Variants in ZDBF2 observed in about 807,000 individuals in gnomAD.
ZDBF2 encodes DBF4-type zinc finger-containing protein 2.
A neutral mutation model predicts 9.4 loss-of-function variants in ZDBF2; 6 were observed. That is an observed-to-expected ratio of 0.64 (90% CI 0.35 to 1.27). ZDBF2 has a LOEUF of 1.27. ZDBF2 is among the 50% of genes most tolerant of loss of function. The pLI is 0.03. For missense variants in ZDBF2, 2,697 were observed against 2,766.8 expected, an observed-to-expected ratio of 0.97 and a Z score of 0.57; for synonymous variants, 905 against 946.3, an observed-to-expected ratio of 0.96 and a Z score of 0.80.
chr2:206,281,249 A>G (rs1350918424), intron 2 of ZDBF2, among the ~76,000 whole-genome samples: 1 of 152,204 alleles, frequency 6.6e-6, no homozygotes, highest in East Asian at 1.9e-4. Context: ...TCAGAAGAAA[A>G]GTGTTTTGTG....
Position 206,307,504 on chromosome 2 carries a change from T to G in ZDBF2, c.2976T>G (p.Ser992Arg), listed in dbSNP as rs1452931167. 6.2e-7 allele frequency: 1 copy of G among 1,613,746 alleles called. No individual in the cohort carries two copies. Among genetic ancestry groups the G allele is most frequent in the Middle Eastern group, 1.6e-4 (1 of 6,062 alleles). ...REKHAEFQGR[S>R]TEFSGSKTSL... is the part of the protein sequence containing the mutation. The stretch of plus-strand genomic sequence containing the variant: ...AGCACGCTGAATTCCAAGGTAGAAG[T>G]ACTGAATTCAGTGGTTCAAAAACAA... Residue 992 changes from serine to arginine, a missense_variant, in exon 5 of 5, where the codon AGT becomes AGG. This residue lies in a region of ZDBF2 where 1,783 missense variants were observed against 1,776.5 expected (regional missense o/e 1.00). Coordinates refer to ENST00000374423, the MANE Select transcript of ZDBF2 (RefSeq NM_020923.3).
intron 3 of ZDBF2, among the ~76,000 whole-genome samples, chr2:206,286,598 T>C (rs918990990): frequency 2.6e-5 from 4 of 151,942 alleles, no homozygotes; most frequent in Admixed American, 6.6e-5. Flanking sequence ...AGTCTTACCA[T>C]GTTGTCCTTG....
rs779742500 is a variant in ZDBF2 at position 206,304,699 on chromosome 2, TC to T, written c.189-12del. The T allele has an allele frequency of 3.2e-6, 5 of 1,582,064 alleles. No individual in the cohort carries two copies. Among genetic ancestry groups the T allele is most frequent in the African/African-American group, 2.7e-5 (2 of 73,416 alleles). ...AGACATTAGAATATGTTTATGAGTT[TC>T]CCCCCTTTCGTTTTAGTTCAACACA... On this transcript the variant is annotated splice_polypyrimidine_tract_variant and intron_variant, in intron 4 of 4. Transcript: ENST00000374423.
chr2:206,285,632 T>A (rs1691560828), intron 3 of ZDBF2, among the ~76,000 whole-genome samples: 1 of 152,248 alleles, frequency 6.6e-6, no homozygotes, highest in South Asian at 2.1e-4. Flanking sequence ...TGTCCTTTGC[T>A]GTGCAAAAGC....
intron 3 of ZDBF2, among the ~76,000 whole-genome samples, chr2:206,286,857 T>G (rs1691630020): frequency 6.6e-6 from 1 of 152,274 alleles, no homozygotes. Flanking sequence ...GCTTCTGTTA[T>G]TTTGTTAATT....
Position 206,313,733 on chromosome 2 carries a change from T to A in ZDBF2, c.*2140T>A, listed in dbSNP as rs1431676008. ...TAATTAAAATTTCAAGTTGTAAAAA[T>A]GTTACCATTTTCACATTGGAAGCCC... is the stretch of plus-strand genomic sequence containing the variant. On this transcript the variant is annotated 3_prime_UTR_variant, in exon 5 of 5. Coordinates refer to ENST00000374423, the MANE Select transcript of ZDBF2 (RefSeq NM_020923.3). 2 of 152,188 alleles carry A rather than the reference T, an allele frequency of 1.3e-5. No individual in the cohort carries two copies. Among genetic ancestry groups the A allele is most frequent in the Admixed American group, 1.3e-4 (2 of 15,282 alleles). The allele number at this position is 152,188 out of a possible 1,614,324, so 9.4% of individuals were successfully genotyped here. A position where few individuals can be genotyped will look rare whatever the true frequency, so the allele number is the denominator to read the frequency against.
intron 3 of ZDBF2, 40 bp from the exon 4 acceptor site, chr2:206,297,206 C>A: frequency 1.2e-6 from 1 of 868,554 alleles, no homozygotes; most frequent in Non-Finnish European, 1.9e-6. Context: ...CTACTGAATA[C>A]TGTCCATTTA....
chr2:206,294,425 A>G (rs1322144467), intron 3 of ZDBF2, among the ~76,000 whole-genome samples: 2 of 152,204 alleles, frequency 1.3e-5, no homozygotes, highest in African/African-American at 2.4e-5. Flanking sequence ...TTCTATTCAC[A>G]TTGCTTTTTT....
chr2:206,306,600 ATGTT>A lies in ZDBF2; in HGVS notation c.2073_2076del (p.Asp691GlufsTer15). The stretch of plus-strand genomic sequence containing the variant: ...GCCGAAATAGAGCGTCAGAAAGTGG[ATGTT>A]GACCTTGAGAATAAGAGTGTTCAGT... On this transcript the variant is annotated frameshift_variant, in exon 5 of 5. Transcript: ENST00000374423. LOFTEE classifies it low-confidence loss of function (END_TRUNC). The A allele has an allele frequency of 6.2e-7, 1 of 1,613,722 alleles. No individual in the cohort carries two copies. Among genetic ancestry groups the A allele is most frequent in the Non-Finnish European group, 8.5e-7 (1 of 1,179,790 alleles).
intron 3 of ZDBF2, among the ~76,000 whole-genome samples, chr2:206,295,363 C>CTTTTTTTTTTT (rs571707187): frequency 6.3e-5 from 7 of 110,960 alleles, no homozygotes; most frequent in Non-Finnish European, 9.2e-5. Flanking sequence ...CTTTTCTTTT[C>CTTTTTTTTTTT]TTTTTTTTTT....
Position 206,307,481 on chromosome 2 carries a change from C to A in ZDBF2, c.2953C>A (p.His985Asn). 1 of 1,613,038 alleles carries A rather than the reference C, an allele frequency of 6.2e-7. No homozygotes were observed. Among genetic ancestry groups the A allele is most frequent in the Non-Finnish European group, 8.5e-7 (1 of 1,179,514 alleles). The part of the protein sequence containing the change: ...VKETWLQREK[H>N]AEFQGRSTEF... ...AGAAACATGGCTTCAAAGAGAAAAGCACGCTGAATTCCAAGGTAGAAGTAC... is the reference window on the plus strand; with the variant it reads ...AGAAACATGGCTTCAAAGAGAAAAGAACGCTGAATTCCAAGGTAGAAGTAC... Residue 985 changes from histidine (H) to asparagine (N), a missense_variant, in exon 5 of 5, where the codon CAC becomes AAC. Coordinates refer to ENST00000374423, the MANE Select transcript of ZDBF2 (RefSeq NM_020923.3).
rs537668184 is a variant in ZDBF2 at position 206,313,170 on chromosome 2, T to G, written c.*1577T>G. 113 of 152,238 alleles carry G rather than the reference T, an allele frequency of 7.4e-4. 1 individual carries two copies. Among genetic ancestry groups the G allele is most frequent in the Non-Finnish European group, 1.3e-3 (88 of 68,028 alleles). The allele number at this position is 152,238 out of a possible 1,614,324, so 9.4% of individuals were successfully genotyped here. On this transcript the variant is annotated 3_prime_UTR_variant, in exon 5 of 5. Coordinates refer to ENST00000374423, the MANE Select transcript of ZDBF2 (RefSeq NM_020923.3). ...CATATCTTGATTTCAGAATTTAAAATGTGTTACCTTAGAAATAATGAAATA... is the reference window on the plus strand; with the variant it reads ...CATATCTTGATTTCAGAATTTAAAAGGTGTTACCTTAGAAATAATGAAATA...
intron 3 of ZDBF2, among the ~76,000 whole-genome samples, chr2:206,293,527 A>G (rs1352755626): frequency 1.3e-5 from 2 of 152,200 alleles, no homozygotes; most frequent in Non-Finnish European, 2.9e-5. Flanking sequence ...CTTGAAACAC[A>G]TATAATTGAG....
rs373676239 is a variant in ZDBF2, at chr2:206,314,017, G to A, written c.*2424G>A. The A allele has an allele frequency of 1.3e-5, 2 of 152,074 alleles. No individual in the cohort carries two copies. The highest frequency in any genetic ancestry group is 4.8e-5 in the African/African-American group (2 of 41,428). 9.4% of individuals were successfully genotyped at this position (152,074 alleles called of 1,614,324 possible). ...TGCCCCTTTGTCTAAATAAATGTTG[G>A]CTTAATTTGCAGAATAGATAAAACA... On this transcript the variant is annotated 3_prime_UTR_variant, in exon 5 of 5. Coordinates refer to ENST00000374423, the MANE Select transcript of ZDBF2 (RefSeq NM_020923.3).
rs1692811337 is a variant in ZDBF2, at chr2:206,306,557, G to T, written c.2029G>T (p.Ala677Ser). The change falls in exon 5 of 5, where the codon GCT becomes TCT. Residue 677 changes from alanine (A) to serine (S), a missense_variant. By Grantham distance (99) the Ala-to-Ser change is moderately conservative. Transcript: ENST00000374423. ...GGGTTTTCAGGCTGATGCTCAATTA[G>T]CTGACCAGTCTCAAGTAGCCGAAAT... Reference protein sequence around the residue: ...EMGFQADAQLADQSQVAEIER... With the variant: ...EMGFQADAQLSDQSQVAEIER... 1 of 1,613,654 alleles carries T rather than the reference G, an allele frequency of 6.2e-7. No individual in the cohort carries two copies. The highest frequency in any genetic ancestry group is 1.1e-5 in the South Asian group (1 of 91,074).
At chr2:206,282,562 A>G (rs1691380887) in intron 3 of ZDBF2, among the ~76,000 whole-genome samples, 5 of 152,174 alleles carry the variant, frequency 3.3e-5, no homozygotes, top group Admixed American at 3.3e-4. Flanking sequence ...ATTGTAGGCT[A>G]AGGTAAGGAC....
intron 3 of ZDBF2, among the ~76,000 whole-genome samples, chr2:206,293,003 G>C (rs1411815443): frequency 6.6e-6 from 1 of 152,062 alleles, no homozygotes; most frequent in Non-Finnish European, 1.5e-5. Flanking sequence ...AAAAGGCTCA[G>C]AAGAACTAGG....
intron 3 of ZDBF2, among the ~76,000 whole-genome samples, chr2:206,289,362 A>G (rs113275833): frequency 0.012 from 1,882 of 152,230 alleles, 26 homozygotes; most frequent in Middle Eastern, 0.037. Context: ...ACTTCAACCT[A>G]GGCACTGGGG....
intron 1 of ZDBF2, among the ~76,000 whole-genome samples, chr2:206,275,489 G>A (rs1427930766): frequency 1.3e-5 from 2 of 152,136 alleles, no homozygotes; most frequent in Non-Finnish European, 2.9e-5. Flanking sequence ...TACTACCGCC[G>A]TGCAACAGTT....
Sources: allele counts gnomAD v4.1 joint callset (sites outside exome capture counted in the v4.1 genomes callset), GRCh38; gene constraint gnomAD v4.1.1; regional missense constraint gnomAD v4.1.1; transcripts MANE v1.5; gene names NCBI Gene and HGNC (gene_info 2026-07-23, HGNC 2026-07-21).